TEK: variants seen among roughly 807,000 people sequenced by gnomAD.
TEK encodes the protein angiopoietin-1 receptor.
In TEK, 43 loss-of-function variants were observed where a neutral mutation model predicts 131.8. The ratio of observed to expected loss-of-function variants is 0.33; its 90% CI spans 0.26 to 0.42. The LOEUF is 0.42. Ranked by LOEUF, TEK falls within the 10% of genes least tolerant of loss-of-function variation. TEK has a pLI of 1.00. For missense variants in TEK, 1,162 were observed against 1,384.4 expected, an observed-to-expected ratio of 0.84 and a Z score of 2.55; for synonymous variants, 580 against 491.6, an observed-to-expected ratio of 1.18 and a Z score of -2.38.
At chr9:27,212,553 G>A (rs1019986650) in intron 16 of TEK, among the ~76,000 whole-genome samples, 154 bp from the exon 17 acceptor site, 29 of 152,132 alleles carry the variant, frequency 1.9e-4, no homozygotes, top group African/African-American at 6.0e-4. Flanking sequence ...GGTGTCACCC[G>A]TCTTCCTCCT....
intron 3 of TEK, among the ~76,000 whole-genome samples, chr9:27,169,053 G>A (rs989512141): frequency 3.3e-5 from 5 of 152,222 alleles, no homozygotes; most frequent in African/African-American, 1.2e-4. Flanking sequence ...GCCTGATCCA[G>A]CTGGAATATT....
chr9:27,152,673 C>A (rs1156707835), intron 1 of TEK, among the ~76,000 whole-genome samples: 2 of 149,442 alleles, frequency 1.3e-5, no homozygotes, highest in Non-Finnish European at 3.0e-5. Context: ...AGAGTCCATT[C>A]TGTTGATTTC....
rs373793318 is a variant in TEK at position 27,203,089 on chromosome 9, C to T, written c.2179C>T (p.His727Tyr). Residue 727 changes from histidine (H) to tyrosine (Y), a missense_variant, in exon 13 of 23, where the codon CAT becomes TAT. His to Tyr is a moderately conservative substitution (Grantham distance 83). Around this residue, in one of 6 missense-constraint regions of TEK, gnomAD observed 477 missense variants for 471.0 expected, o/e 1.01. Transcript: ENST00000380036. Reference protein sequence around the residue: ...NIGSSNPAFSHELVTLPESQA... With the variant: ...NIGSSNPAFSYELVTLPESQA... ...AGGGTCAAGCAACCCAGCCTTTTCT[C>T]ATGAACTGGTGACCCTCCCAGAATC... 1.9e-6 allele frequency: 3 copies of T among 1,613,988 alleles called. No homozygotes were observed. The highest frequency in any genetic ancestry group is 2.5e-6 in the Non-Finnish European group (3 of 1,180,002).
chr9:27,175,615 G>A (rs567139067), intron 6 of TEK, among the ~76,000 whole-genome samples: 4 of 151,826 alleles, frequency 2.6e-5, no homozygotes, highest in Admixed American at 2.6e-4. Flanking sequence ...CAGTGTAAAA[G>A]TGTTCCTATT....
chr9:27,149,557 A>G lies in TEK; in HGVS notation c.53-8274A>G, dbSNP rs568252864. Among the ~76,000 whole-genome samples the G allele has an allele frequency of 2.0e-5, 3 of 152,226 alleles. No homozygotes were observed. The South Asian group carries it at 6.2e-4, about 32-fold the overall frequency. ...CTCCTCTTAGCAAATATAATCCTGA[A>G]TTTCTTCCATTATAGACTCGTTTCT... is the stretch of plus-strand genomic sequence containing the variant. On this transcript the variant is annotated intron_variant, in intron 1 of 22. Coordinates refer to ENST00000380036, the MANE Select transcript of TEK (RefSeq NM_000459.5).
At chr9:27,192,724 T>TG (rs1824869055) in intron 11 of TEK, 101 bp downstream of exon 11, 6 of 133,336 alleles carry the variant, frequency 4.5e-5, no homozygotes, top group Non-Finnish European at 7.3e-5. Flanking sequence ...GGTGAGTGGG[T>TG]GGGTGGGGAT....
chr9:27,198,091 C>A (rs1587002242), intron 12 of TEK, among the ~76,000 whole-genome samples: 3 of 152,172 alleles, frequency 2.0e-5, no homozygotes, highest in South Asian at 2.1e-4. Context: ...TCAGGCTTCT[C>A]AATTTCAGAT....
intron 1 of TEK, among the ~76,000 whole-genome samples, chr9:27,140,126 CTTA>C (rs1320136622): frequency 2.0e-5 from 3 of 152,152 alleles, no homozygotes; most frequent in Non-Finnish European, 4.4e-5. Flanking sequence ...CAACACCAAA[CTTA>C]TTTAAGTTAG....
At chr9:27,146,197 T>A (rs555226517) in intron 1 of TEK, among the ~76,000 whole-genome samples, 25 of 152,366 alleles carry the variant, frequency 1.6e-4, no homozygotes, top group African/African-American at 6.0e-4. Context: ...AGTTTGTGGC[T>A]ATATGCTGCA....
intron 9 of TEK, among the ~76,000 whole-genome samples, chr9:27,188,704 T>C (rs1408241230): frequency 3.3e-5 from 5 of 152,148 alleles, no homozygotes; most frequent in Non-Finnish European, 7.4e-5. Flanking sequence ...CGTCACTTAG[T>C]CAATAGAATT....
chr9:27,135,035 C>T (rs1207201086), intron 1 of TEK, among the ~76,000 whole-genome samples: 1 of 152,020 alleles, frequency 6.6e-6, no homozygotes, highest in African/African-American at 2.4e-5. Flanking sequence ...GACCAGCCTG[C>T]CCAACATGGA....
chr9:27,216,842 G>A (rs1479541922), intron 18 of TEK, among the ~76,000 whole-genome samples: 1 of 152,160 alleles, frequency 6.6e-6, no homozygotes, highest in African/African-American at 2.4e-5. Context: ...TCTAGGTGGA[G>A]ATGCCACTGT....
intron 21 of TEK, among the ~76,000 whole-genome samples, chr9:27,225,861 A>T (rs1384622421): frequency 6.6e-6 from 1 of 152,248 alleles, no homozygotes; most frequent in Non-Finnish European, 1.5e-5. Flanking sequence ...TAATATCCAG[A>T]ATCTACAAAG....
At chr9:27,219,152 A>G (rs574311207) in intron 20 of TEK, among the ~76,000 whole-genome samples, 2 of 152,316 alleles carry the variant, frequency 1.3e-5, no homozygotes, top group Admixed American at 1.3e-4. Context: ...AGCATGTGAA[A>G]ATATGTAATA....
At chr9:27,187,551 G>A (rs1824644875) in intron 9 of TEK, among the ~76,000 whole-genome samples, 1 of 152,166 alleles carries the variant, frequency 6.6e-6, no homozygotes, top group Admixed American at 6.5e-5. Context: ...TAACTCAAAT[G>A]TCCATCAACA....
rs1266383439 is a variant in TEK at position 27,206,764 on chromosome 9, G to C, written c.2547G>C (p.Arg849=). ...CGCGCATCAAGAAGGATGGGTTACGGATGGATGCTGCCATCAAAAGAATGA... is the reference window on the plus strand; with the variant it reads ...CGCGCATCAAGAAGGATGGGTTACGCATGGATGCTGCCATCAAAAGAATGA... ...LKARIKKDGL[R]MDAAIKRMKE... is the part of the protein sequence containing the mutation. Residue 849 remains arginine, a synonymous_variant, in exon 15 of 23, where the codon CGG becomes CGC. Transcript: ENST00000380036. 8.1e-6 allele frequency: 13 copies of C among 1,613,968 alleles called. No individual in the cohort carries two copies. The highest frequency in any genetic ancestry group is 1.1e-5 in the Non-Finnish European group (13 of 1,179,982).
chr9:27,133,679 C>T (rs1243850080), intron 1 of TEK, among the ~76,000 whole-genome samples: 2 of 152,104 alleles, frequency 1.3e-5, no homozygotes, highest in African/African-American at 2.4e-5. Context: ...CGAGGGGTTC[C>T]AAAGGAGATG....
intron 6 of TEK, among the ~76,000 whole-genome samples, chr9:27,174,851 A>G (rs1824102512): frequency 6.6e-6 from 1 of 152,158 alleles, no homozygotes; most frequent in Non-Finnish European, 1.5e-5. Context: ...TTAAAATGTT[A>G]CGCAAACTAT....
At chr9:27,180,122 C>T in intron 6 of TEK, 118 bp from the exon 7 acceptor site, 1 of 1,451,662 alleles carries the variant, frequency 6.9e-7, no homozygotes, top group Non-Finnish European at 9.6e-7. Flanking sequence ...TTACCCCCTA[C>T]CTTACACAAA....
Sources: gnomAD v4.1 joint callset for allele counts (sites outside exome capture counted in the v4.1 genomes callset) on GRCh38, gnomAD v4.1.1 for gene constraint, gnomAD v4.1.1 regional missense constraint, MANE v1.5 for transcripts, NCBI Gene and HGNC (gene_info 2026-07-23, HGNC 2026-07-21) for gene names.